Variants in LRRC4C observed in about 807,000 individuals in gnomAD.
LRRC4C encodes the protein leucine rich repeat containing 4C, also known as leucine-rich repeat-containing protein 4C.
Under a neutral mutation model 33.6 loss-of-function variants are expected in LRRC4C, and 5 were observed. The observed-to-expected ratio is 0.15, with a 90% confidence interval of 0.08 to 0.31. LRRC4C has a LOEUF of 0.31. Ranked by LOEUF, LRRC4C falls within the 10% of genes least tolerant of loss-of-function variation. LRRC4C has a pLI of 1.00. For missense variants in LRRC4C, 560 were observed against 796.7 expected (o/e 0.70, Z 3.58); for synonymous variants, 329 against 302.0 (o/e 1.09, Z -0.93).
chr11:40,149,042 G>A (rs1190749285), intron 5 of LRRC4C, among the ~76,000 whole-genome samples: 1 of 152,206 alleles, frequency 6.6e-6, no homozygotes, highest in East Asian at 1.9e-4. Context: ...TAATGTGTCT[G>A]TTTTTGTACC....
At chr11:40,799,452 C>A (rs1285303902) in intron 2 of LRRC4C, among the ~76,000 whole-genome samples, 3 of 152,142 alleles carry the variant, frequency 2.0e-5, no homozygotes, top group Non-Finnish European at 4.4e-5. Flanking sequence ...ACCTTGCAGT[C>A]ACATTAACCT....
chr11:40,379,383 TAAAATCC>T (rs1252072090), intron 3 of LRRC4C, among the ~76,000 whole-genome samples: 2 of 152,284 alleles, frequency 1.3e-5, no homozygotes, highest in African/African-American at 4.8e-5. Context: ...ATAAAAAGCT[TAAAATCC>T]AAGTCTATTC....
intron 1 of LRRC4C, among the ~76,000 whole-genome samples, chr11:41,401,417 C>G (rs971883406): frequency 2.6e-5 from 4 of 151,780 alleles, no homozygotes; most frequent in African/African-American, 9.7e-5. Flanking sequence ...TTCCATTTAT[C>G]TAGTGATTAT....
intron 3 of LRRC4C, among the ~76,000 whole-genome samples, chr11:40,627,777 A>G (rs1200209622): frequency 6.6e-6 from 1 of 152,176 alleles, no homozygotes; most frequent in Non-Finnish European, 1.5e-5. Flanking sequence ...AAGCGTGAAG[A>G]AACATTTCTC....
In LRRC4C at chr11:40,216,727, A is replaced by C. The variant is rs191149022; in HGVS notation, c.-96+24792T>G. The stretch of plus-strand genomic sequence containing the variant: ...TTATGAAACAAAAAGCAAAAGTGAA[A>C]ACAAATGGCATAATCAACATGCCTG... On this transcript the variant is annotated intron_variant, in intron 5 of 6. Coordinates refer to ENST00000528697, the MANE Select transcript of LRRC4C (RefSeq NM_001258419.2). Among the ~76,000 whole-genome samples, 87 of 152,278 alleles carry C rather than the reference A, an allele frequency of 5.7e-4. 1 individual carries two copies. The highest frequency in any genetic ancestry group is 6.5e-4 in the Non-Finnish European group (44 of 68,026).
intron 4 of LRRC4C, among the ~76,000 whole-genome samples, chr11:40,267,650 C>T (rs1241115096): frequency 6.6e-6 from 1 of 152,050 alleles, no homozygotes; most frequent in Non-Finnish European, 1.5e-5. Flanking sequence ...CGCGCCTGGC[C>T]CTGTATGAAG....
At chr11:41,239,321 CAAAAAAAAAAAA>C (rs56018613) in intron 1 of LRRC4C, among the ~76,000 whole-genome samples, 1 of 55,168 alleles carries the variant, frequency 1.8e-5, no homozygotes, top group Non-Finnish European at 3.0e-5. Flanking sequence ...GACTCTGTCT[CAAAAAAAAAAAA>C]AAAAAAAAAA....
chr11:41,072,917 AT>A (rs372702226), intron 1 of LRRC4C, among the ~76,000 whole-genome samples: 26 of 152,260 alleles, frequency 1.7e-4, no homozygotes, highest in African/African-American at 5.8e-4. Flanking sequence ...TATTTCAGGA[AT>A]TTTTTATTGG....
rs191260245 is a variant in LRRC4C, at chr11:40,418,349, A to G, written c.-269-98628T>C. On this transcript the variant is annotated intron_variant, in intron 3 of 6. Transcript: ENST00000528697. ...GAAGACATTTATGCACCCAACAAAC[A>G]TATGAAAAAAAGCTCATCATCTCTG... 2.9e-3 allele frequency among the ~76,000 whole-genome samples: 447 copies of G among 152,342 alleles called. 1 individual carries two copies. The highest frequency in any genetic ancestry group is 4.8e-3 in the Non-Finnish European group (324 of 68,034).
At chr11:40,287,256 A>ATGTGTGTGTGTG (rs5791367) in intron 4 of LRRC4C, among the ~76,000 whole-genome samples, 87 of 144,876 alleles carry the variant, frequency 6.0e-4, no homozygotes, top group Middle Eastern at 3.5e-3. Context: ...ATGTCACTGT[A>ATGTGTGTGTGTG]TGTGTGTGTG....
chr11:41,011,727 C>T (rs1855198515), intron 1 of LRRC4C, among the ~76,000 whole-genome samples: 1 of 150,970 alleles, frequency 6.6e-6, no homozygotes, highest in African/African-American at 2.4e-5. Context: ...TCTATCTAGA[C>T]TCCATCATTT....
intron 4 of LRRC4C, among the ~76,000 whole-genome samples, chr11:40,283,324 G>C (rs905322645): frequency 1.3e-5 from 2 of 152,128 alleles, no homozygotes; most frequent in African/African-American, 4.8e-5. Context: ...AATCACCTTT[G>C]CTTTTGGCTC....
At chr11:40,266,502 C>G (rs553853424) in intron 4 of LRRC4C, among the ~76,000 whole-genome samples, 4 of 152,164 alleles carry the variant, frequency 2.6e-5, no homozygotes, top group Admixed American at 2.6e-4. Context: ...TAAACTGCTA[C>G]AGTCAAGTCT....
chr11:41,449,258 G>A (rs913826781), intron 1 of LRRC4C, among the ~76,000 whole-genome samples: 1 of 152,132 alleles, frequency 6.6e-6, no homozygotes, highest in Non-Finnish European at 1.5e-5. Context: ...TGGGGGCTTA[G>A]GCAGATGTTG....
intron 3 of LRRC4C, among the ~76,000 whole-genome samples, chr11:40,386,271 C>A (rs1409743062): frequency 1.3e-5 from 2 of 152,056 alleles, no homozygotes; most frequent in East Asian, 3.9e-4. Flanking sequence ...TTGACAAAAT[C>A]TTGAAGATTC....
intron 1 of LRRC4C, among the ~76,000 whole-genome samples, chr11:40,959,732 T>G (rs576002910): frequency 6.6e-6 from 1 of 151,694 alleles, no homozygotes; most frequent in African/African-American, 2.4e-5. Context: ...AGCACAGTGC[T>G]CTAGCAAAAG....
intron 4 of LRRC4C, among the ~76,000 whole-genome samples, chr11:40,276,947 T>C (rs1238822157): frequency 6.6e-6 from 1 of 152,060 alleles, no homozygotes; most frequent in Non-Finnish European, 1.5e-5. Context: ...AAGGTGGCAA[T>C]GACAGTATCC....
intron 1 of LRRC4C, among the ~76,000 whole-genome samples, chr11:41,192,960 A>G (rs1245007907): frequency 6.6e-6 from 1 of 152,104 alleles, no homozygotes. Context: ...TGATGAAGAC[A>G]AAAGTGACCT....
chr11:40,794,177 C>G (rs1335856074), intron 2 of LRRC4C, among the ~76,000 whole-genome samples: 1 of 151,950 alleles, frequency 6.6e-6, no homozygotes, highest in Non-Finnish European at 1.5e-5. Flanking sequence ...AAAGCAGTCC[C>G]CCGTAAATAG....
Sources: gnomAD v4.1 joint callset for allele counts (sites outside exome capture counted in the v4.1 genomes callset) on GRCh38, gnomAD v4.1.1 for gene constraint, MANE v1.5 for transcripts, NCBI Gene and HGNC (gene_info 2026-07-23, HGNC 2026-07-21) for gene names.